The following MTOR variants were observed in gnomAD, a reference collection of about 807,000 sequenced individuals.
The protein encoded by MTOR is mechanistic target of rapamycin kinase, also known as serine/threonine-protein kinase mTOR.
Under a neutral mutation model 319.8 loss-of-function variants are expected in MTOR, and 70 were observed. The observed-to-expected ratio is 0.22, with a 90% CI of 0.18 to 0.27. The LOEUF is 0.27. Ranked by LOEUF, MTOR falls within the 10% of genes least tolerant of loss-of-function variation. The probability of loss-of-function intolerance (pLI) is 1.00; values close to 1 mark genes in which losing one functional copy is unlikely to be tolerated. For synonymous variants in MTOR, 1,183 were observed against 1,211.4 expected (o/e 0.98, Z 0.49); for missense variants, 1,890 against 3,274.4 (o/e 0.58, Z 10.32).
intron 54 of MTOR, among the ~76,000 whole-genome samples, chr1:11,110,416 T>C (rs1641800371): frequency 6.6e-6 from 1 of 152,182 alleles, no homozygotes; most frequent in African/African-American, 2.4e-5. Flanking sequence ...CTTCTTTTTT[T>C]TTTGAGACGG....
intron 19 of MTOR, among the ~76,000 whole-genome samples, chr1:11,225,963 A>C (rs751284933): frequency 9.9e-5 from 15 of 152,208 alleles, no homozygotes; most frequent in Non-Finnish European, 2.1e-4. Flanking sequence ...GCCCATAGTT[A>C]AGAAAGAGAA....
chr1:11,123,751 G>A (rs1007762148), intron 47 of MTOR, among the ~76,000 whole-genome samples: 1 of 152,008 alleles, frequency 6.6e-6, no homozygotes, highest in African/African-American at 2.4e-5. Context: ...TTACATGTGA[G>A]CCACCATGCC....
chr1:11,212,932 G>A lies in MTOR; in HGVS notation c.3286-24C>T, dbSNP rs368941349. Reference sequence around the variant, plus strand: ...AACTGCAAAAGGGAGCAAAAGCATGGTGATGAATAGTCAGGTCCCAAGTAT... The same window carrying A: ...AACTGCAAAAGGGAGCAAAAGCATGATGATGAATAGTCAGGTCCCAAGTAT... On this transcript the variant is annotated intron_variant, in intron 21 of 57. Coordinates refer to ENST00000361445, the MANE Select transcript of MTOR (RefSeq NM_004958.4). The surrounding 1 kb of genome is among the most constrained non-coding windows in gnomAD (Gnocchi z 4.1). 5.1e-6 allele frequency: 8 copies of A among 1,578,630 alleles called. No homozygotes were observed. The Admixed American group carries it at 1.2e-4, about 23-fold the overall frequency.
Position 11,212,262 on chromosome 1 carries a change from C to T in MTOR, c.3561+50G>A, listed in dbSNP as rs114726348. 1,566 of 1,556,852 alleles carry T rather than the reference C, an allele frequency of 1.0e-3. 17 individuals carry two copies. The African/African-American group carries it at 0.019, about 18-fold the overall frequency. On this transcript the variant is annotated intron_variant, in intron 23 of 57. Coordinates refer to ENST00000361445, the MANE Select transcript of MTOR (RefSeq NM_004958.4). The surrounding 1 kb of genome is among the most constrained non-coding windows in gnomAD (Gnocchi z 4.1). ...CTGAGTGGCTCACAGACAAAGTCTT[C>T]TTTCCAAATAAGGCAGAAGAGCACC...
intron 13 of MTOR, among the ~76,000 whole-genome samples, chr1:11,236,367 G>C (rs1647228272): frequency 1.3e-5 from 2 of 151,910 alleles, no homozygotes; most frequent in Admixed American, 1.3e-4. Flanking sequence ...TCAAACTCTT[G>C]GGCTCCTGTG....
At position 11,108,231 on chromosome 1, in the gene MTOR, G is replaced by A. The variant is rs1220274992; in HGVS notation, c.7584C>T (p.Leu2528=). Residue 2528 remains leucine, a synonymous_variant, in exon 57 of 58, where the codon CTC becomes CTT. Transcript: ENST00000361445. ...TLDVPTQVEL[L]IKQATSHENL... is the part of the protein sequence containing the mutation. ...TTTCATGGGATGTCGCTTGTTTGAT[G>A]AGCAGCTCAACTTGCGTTGGAACAT... 2 of 1,613,794 alleles carry A rather than the reference G, an allele frequency of 1.2e-6. No homozygotes were observed. The highest frequency in any genetic ancestry group is 1.7e-5 in the Admixed American group (1 of 59,994).
chr1:11,231,098 C>T, intron 17 of MTOR, 44 bp from the exon 18 acceptor site: 1 of 1,613,890 alleles, frequency 6.2e-7, no homozygotes, highest in Non-Finnish European at 8.5e-7. Context: ...TTCATCACAA[C>T]ATGATTACAA....
rs751226640 is a variant in MTOR, at chr1:11,134,367, G to A, written c.5230C>T (p.His1744Tyr). 5.6e-6 allele frequency: 9 copies of A among 1,614,014 alleles called. No homozygotes were observed. In the East Asian group the frequency reaches 1.8e-4, roughly 32 times the overall value. ...GGACCTCACCGGGCCATGAGCTTGT[G>A]CAGTTCCTGCTTATGCTGCTGGTCC... The part of the protein sequence containing the change: ...TEDQQHKQEL[H>Y]KLMARCFLKL... Residue 1744 changes from histidine (H) to tyrosine (Y), a missense_variant, in exon 37 of 58, where the codon CAC becomes TAC. Physicochemically the swap from His to Tyr is moderately conservative, Grantham distance 83. Coordinates refer to ENST00000361445, the MANE Select transcript of MTOR (RefSeq NM_004958.4).
chr1:11,249,399 C>G (rs1410846812), intron 6 of MTOR, among the ~76,000 whole-genome samples: 1 of 150,184 alleles, frequency 6.7e-6, no homozygotes, highest in Non-Finnish European at 1.5e-5. Flanking sequence ...GAAACTAAAA[C>G]ACTCCATCTT....
chr1:11,176,987 G>A (rs781533425), intron 28 of MTOR, among the ~76,000 whole-genome samples: 9 of 152,154 alleles, frequency 5.9e-5, no homozygotes, highest in Admixed American at 3.3e-4. Context: ...GAAAACATCT[G>A]AAAAGTGACG....
At chr1:11,153,625 G>A (rs1316468544) in intron 30 of MTOR, among the ~76,000 whole-genome samples, 1 of 152,130 alleles carries the variant, frequency 6.6e-6, no homozygotes, top group East Asian at 1.9e-4. Context: ...TTTTGCCTTA[G>A]ATCAGTGTTG....
chr1:11,137,549 T>C (rs1643488596), intron 36 of MTOR, among the ~76,000 whole-genome samples: 1 of 152,016 alleles, frequency 6.6e-6, no homozygotes, highest in Non-Finnish European at 1.5e-5. Flanking sequence ...CCCCAGGAAA[T>C]GAAAAAAGGG....
chr1:11,165,922 C>T (rs1644629658), intron 29 of MTOR, among the ~76,000 whole-genome samples: 3 of 152,066 alleles, frequency 2.0e-5, no homozygotes, highest in African/African-American at 7.2e-5. Context: ...CAGAACAGAG[C>T]CCTCAGAAAT....
At position 11,227,161 on chromosome 1, in the gene MTOR, G is replaced by C. The variant is rs189741622; in HGVS notation, c.3030+1507C>G. On this transcript the variant is annotated intron_variant, in intron 19 of 57. Transcript: ENST00000361445. The stretch of plus-strand genomic sequence containing the variant: ...AAAAATACAAAAATTAGCCGGGCTT[G>C]GTGGTGCACCCCTGTAATCCCAGCT... 2.7e-3 allele frequency among the ~76,000 whole-genome samples: 413 copies of C among 151,658 alleles called. 2 individuals carry two copies. Among genetic ancestry groups the C allele is most frequent in the African/African-American group, 9.7e-3 (400 of 41,260 alleles).
rs768209029 is a variant in MTOR, at chr1:11,112,133, C to A, written c.7366+719G>T. Among the ~76,000 whole-genome samples, 15 of 152,180 alleles carry A rather than the reference C, an allele frequency of 9.9e-5. 1 individual carries two copies. The highest frequency in any genetic ancestry group is 7.3e-5 in the Non-Finnish European group (5 of 68,038). Reference sequence around the variant, plus strand: ...CTCAGAGGGACACAAGTCTTCTAGACCCCTGCTCTGTGAGTCGCGCTCCTA... The same window carrying A: ...CTCAGAGGGACACAAGTCTTCTAGAACCCTGCTCTGTGAGTCGCGCTCCTA... On this transcript the variant is annotated intron_variant, in intron 54 of 57. Transcript: ENST00000361445.
chr1:11,244,011 T>A (rs1254587754), intron 8 of MTOR, among the ~76,000 whole-genome samples: 1 of 147,678 alleles, frequency 6.8e-6, no homozygotes, highest in African/African-American at 2.5e-5. Flanking sequence ...TAAGACCCTG[T>A]CTCAGATGCA....
In MTOR at chr1:11,238,733, T is replaced by C. The variant is rs2024627; in HGVS notation, c.1787-116A>G. 574,947 of 796,032 alleles carry C rather than the reference T, an allele frequency of 0.72. 213,069 individuals carry two copies. Among genetic ancestry groups the C allele is most frequent in the East Asian group, 0.9 (33,238 of 36,948 alleles). 49.3% of individuals were successfully genotyped at this position (796,032 alleles called of 1,614,324 possible). A position where few individuals can be genotyped will look rare whatever the true frequency, so the allele number is the denominator to read the frequency against. On this transcript the variant is annotated intron_variant, in intron 11 of 57. Transcript: ENST00000361445. ...GCTACTAATTCTACTTTCAACTAGA[T>C]ATTGATCAATACGATACTGACCCGG...
intron 56 of MTOR, among the ~76,000 whole-genome samples, chr1:11,108,712 CAA>C (rs758531091): frequency 4.6e-4 from 23 of 49,560 alleles, no homozygotes; most frequent in Admixed American, 9.4e-4. Context: ...GACCCTGTCT[CAA>C]AAAAAAAAAA....
chr1:11,177,021 C>T (rs1043269860), intron 28 of MTOR, among the ~76,000 whole-genome samples: 4 of 151,852 alleles, frequency 2.6e-5, no homozygotes, highest in South Asian at 2.1e-4. Flanking sequence ...GGAGGGCTGC[C>T]GGAATGCAGA....
Sources: allele counts gnomAD v4.1 joint callset (sites outside exome capture counted in the v4.1 genomes callset), GRCh38; gene constraint gnomAD v4.1.1; non-coding constraint Gnocchi (gnomAD v3.1); transcripts MANE v1.5; gene names NCBI Gene and HGNC (gene_info 2026-07-23, HGNC 2026-07-21).